DENND4C: variants seen among roughly 807,000 people sequenced by gnomAD.
DENND4C encodes the protein DENN domain-containing protein 4C.
A neutral mutation model predicts 203.0 loss-of-function variants in DENND4C; 108 were observed. The ratio of observed to expected loss-of-function variants is 0.53; its 90% CI spans 0.46 to 0.62. The LOEUF is 0.62. Ranked by LOEUF, DENND4C falls within the 20% of genes least tolerant of loss-of-function variation. The pLI, the probability that DENND4C is intolerant of heterozygous loss-of-function variation, is 0.00. For missense variants in DENND4C, 2,481 were observed against 2,301.2 expected (o/e 1.08, Z -1.60); for synonymous variants, 871 against 792.4 (o/e 1.10, Z -1.67).
chr9:19,248,721 A>G (rs1208333361), intron 1 of DENND4C, among the ~76,000 whole-genome samples: 4 of 151,590 alleles, frequency 2.6e-5, no homozygotes, highest in Non-Finnish European at 5.9e-5. Flanking sequence ...TCAGAGAGGT[A>G]TTCCCTGGTG....
intron 2 of DENND4C, among the ~76,000 whole-genome samples, chr9:19,278,720 C>A (rs117724448): frequency 3.3e-5 from 5 of 152,112 alleles, no homozygotes; most frequent in Admixed American, 2.0e-4. Context: ...TATTGTCCAT[C>A]CTATTTAGCT....
Position 19,352,548 on chromosome 9 carries a change from A to T in DENND4C, c.4664A>T (p.Glu1555Val), listed in dbSNP as rs567658260. The T allele has an allele frequency of 6.2e-7, 1 of 1,613,832 alleles. No homozygotes were observed. Among genetic ancestry groups the T allele is most frequent in the South Asian group, 1.1e-5 (1 of 91,020 alleles). The change falls in exon 26 of 33, where the codon GAA becomes GTA. Residue 1555 changes from glutamate to valine, a missense_variant. Physicochemically the swap from Glu to Val is moderately radical, Grantham distance 121. Transcript: ENST00000434457. ...RACGALVYDEEIMAGWTADDS... is the reference protein window; with the variant it reads ...RACGALVYDEVIMAGWTADDS... ...TGTGGAGCTTTAGTTTATGATGAAGAAATTATGGCTGGATGGACAGCAGAT... is the reference window on the plus strand; with the variant it reads ...TGTGGAGCTTTAGTTTATGATGAAGTAATTATGGCTGGATGGACAGCAGAT...
At chr9:19,318,052 C>T (rs893990152) in intron 12 of DENND4C, among the ~76,000 whole-genome samples, 1 of 152,366 alleles carries the variant, frequency 6.6e-6, no homozygotes, top group South Asian at 2.1e-4. Context: ...GGCGCAGTGG[C>T]TCACGCCTGT....
At chr9:19,248,651 A>C (rs1044831533) in intron 1 of DENND4C, among the ~76,000 whole-genome samples, 1 of 152,080 alleles carries the variant, frequency 6.6e-6, no homozygotes, top group Admixed American at 6.6e-5. Context: ...CAGCTTCCCT[A>C]AATGCTGGGA....
chr9:19,274,046 A>G (rs1432959578), intron 1 of DENND4C, among the ~76,000 whole-genome samples: 1 of 152,058 alleles, frequency 6.6e-6, no homozygotes, highest in Non-Finnish European at 1.5e-5. Flanking sequence ...ATTGTGGTAT[A>G]TTCATTCAGT....
intron 1 of DENND4C, among the ~76,000 whole-genome samples, chr9:19,247,288 A>G (rs181386937): frequency 5.9e-5 from 9 of 152,260 alleles, no homozygotes; most frequent in South Asian, 2.1e-4. Context: ...GTATTTGACA[A>G]TTCTTTGAGT....
At chr9:19,266,977 T>G (rs1406689783) in intron 1 of DENND4C, among the ~76,000 whole-genome samples, 1 of 152,210 alleles carries the variant, frequency 6.6e-6, no homozygotes, top group Admixed American at 6.5e-5. Context: ...GAGACCTATT[T>G]GACGTACTTT....
intron 10 of DENND4C, among the ~76,000 whole-genome samples, chr9:19,314,390 G>C (rs756245942): frequency 2.0e-5 from 3 of 152,052 alleles, no homozygotes; most frequent in African/African-American, 7.2e-5. Context: ...GGAGGTGGAG[G>C]TTGCAGTGAG....
chr9:19,296,300 T>A (rs1837446308), intron 6 of DENND4C, 54 bp downstream of exon 6: 1 of 1,197,994 alleles, frequency 8.3e-7, no homozygotes, highest in Admixed American at 2.2e-5. Flanking sequence ...TATAAATATA[T>A]ACATTTGTTT....
chr9:19,235,053 C>T (rs1035813890), intron 1 of DENND4C, among the ~76,000 whole-genome samples: 2 of 151,836 alleles, frequency 1.3e-5, no homozygotes, highest in African/African-American at 4.8e-5. Flanking sequence ...CAACCTCGGC[C>T]TCCCAGATGA....
chr9:19,362,550 TACAC>T (rs34768811), intron 30 of DENND4C, among the ~76,000 whole-genome samples: 15 of 150,696 alleles, frequency 1.0e-4, no homozygotes, highest in Non-Finnish European at 1.6e-4. Context: ...AAAAAAAAAG[TACAC>T]ACACACACAC....
chr9:19,320,100 C>G (rs992704328), intron 12 of DENND4C, among the ~76,000 whole-genome samples: 1 of 151,806 alleles, frequency 6.6e-6, no homozygotes, highest in East Asian at 1.9e-4. Context: ...ATTTTAGTAG[C>G]CACAATAAAA....
chr9:19,233,516 T>A (rs1247827262), intron 1 of DENND4C, among the ~76,000 whole-genome samples: 1 of 152,152 alleles, frequency 6.6e-6, no homozygotes, highest in Non-Finnish European at 1.5e-5. Context: ...TTTCTACATT[T>A]GTTAAGTATG....
chr9:19,249,756 C>G (rs1351343113), intron 1 of DENND4C, among the ~76,000 whole-genome samples: 1 of 152,172 alleles, frequency 6.6e-6, no homozygotes, highest in Admixed American at 6.5e-5. Flanking sequence ...ACTTACGGCT[C>G]AAACAATCCT....
chr9:19,364,839 G>A (rs1401310383), intron 30 of DENND4C, among the ~76,000 whole-genome samples: 1 of 152,030 alleles, frequency 6.6e-6, no homozygotes, highest in African/African-American at 2.4e-5. Context: ...AAGTTGCAGT[G>A]AGCCGAGATC....
intron 9 of DENND4C, among the ~76,000 whole-genome samples, chr9:19,304,139 T>G (rs888580099): frequency 2.0e-5 from 3 of 151,602 alleles, no homozygotes; most frequent in African/African-American, 7.3e-5. Context: ...TTTTTTCTCT[T>G]TTTTCTTTTT....
intron 5 of DENND4C, chr9:19,292,197 A>AT (rs11351680): frequency 0.022 from 3,237 of 144,086 alleles, 41 homozygotes; most frequent in Non-Finnish European, 0.034. Context: ...CTAATTTTGT[A>AT]TTTTTTTTTT....
rs149522212 is a variant in DENND4C, at chr9:19,265,722, C to T, written c.-17-10436C>T. Reference sequence around the variant, plus strand: ...TGCGGTGTTTGGTTTTCTGTCCTTGCGATAGTTTGTTCAGAATGATGGTTT... The same window carrying T: ...TGCGGTGTTTGGTTTTCTGTCCTTGTGATAGTTTGTTCAGAATGATGGTTT... On this transcript the variant is annotated intron_variant, in intron 1 of 32. Transcript: ENST00000434457. Among the ~76,000 whole-genome samples the T allele has an allele frequency of 5.7e-3, 871 of 152,188 alleles. 3 individuals carry two copies. The highest frequency in any genetic ancestry group is 8.8e-3 in the Non-Finnish European group (597 of 68,014).
intron 9 of DENND4C, among the ~76,000 whole-genome samples, chr9:19,300,841 A>G (rs1838410626): frequency 6.6e-6 from 1 of 152,204 alleles, no homozygotes; most frequent in Non-Finnish European, 1.5e-5. Context: ...AAGAAATTAA[A>G]GTTGTTCCCT....
Sources: gnomAD v4.1 joint callset for allele counts (sites outside exome capture counted in the v4.1 genomes callset) on GRCh38, gnomAD v4.1.1 for gene constraint, MANE v1.5 for transcripts, NCBI Gene and HGNC (gene_info 2026-07-23, HGNC 2026-07-21) for gene names.